Variants in DNAJC6 observed in about 807,000 individuals in gnomAD.
The protein encoded by DNAJC6 is DnaJ heat shock protein family (Hsp40) member C6.
A neutral mutation model predicts 110.0 loss-of-function variants in DNAJC6; 34 were observed. That is an observed-to-expected ratio of 0.31 (90% confidence interval 0.24 to 0.41). The LOEUF (loss-of-function observed/expected upper bound fraction) is 0.41. Ranked by LOEUF, DNAJC6 falls within the 10% of genes least tolerant of loss-of-function variation. The probability of loss-of-function intolerance (pLI) is 1.00; values close to 1 mark genes in which losing one functional copy is unlikely to be tolerated. For missense variants in DNAJC6, 1,031 were observed against 1,207.8 expected (o/e 0.85, Z 2.17); for synonymous variants, 406 against 437.2 (o/e 0.93, Z 0.89).
Position 65,411,976 on chromosome 1 carries a change from A to T in DNAJC6, c.2811+550A>T, listed in dbSNP as rs530273247. On this transcript the variant is annotated intron_variant, in intron 18 of 18. Coordinates refer to ENST00000371069, the MANE Select transcript of DNAJC6 (RefSeq NM_001256864.2). ...ACAGAGTGAGACCCTGTCTCCAAAA[A>T]AAGAAAAGAAAAAGTAAATTGTGTC... Among the ~76,000 whole-genome samples, 64 of 152,306 alleles carry T rather than the reference A, an allele frequency of 4.2e-4. No homozygotes were observed. The South Asian group carries it at 9.3e-3, about 22-fold the overall frequency.
intron 4 of DNAJC6, among the ~76,000 whole-genome samples, chr1:65,375,579 C>A (rs954145244): frequency 6.6e-6 from 1 of 152,124 alleles, no homozygotes; most frequent in African/African-American, 2.4e-5. Context: ...GCACCTGCCA[C>A]CACGCCCGGC....
intron 1 of DNAJC6, among the ~76,000 whole-genome samples, chr1:65,358,323 A>C (rs1020619336): frequency 2.0e-5 from 3 of 152,174 alleles, no homozygotes; most frequent in Non-Finnish European, 4.4e-5. Context: ...TTGAAAATGT[A>C]GTGGATAAAA....
At chr1:65,368,730 T>TCTTCTC (rs1645676152) in intron 4 of DNAJC6, among the ~76,000 whole-genome samples, 1 of 41,202 alleles carries the variant, frequency 2.4e-5, no homozygotes, top group Admixed American at 3.4e-4. Flanking sequence ...TTCTTCTTCT[T>TCTTCTC]CTTCTTCCCC....
chr1:65,285,931 A>G (rs1654003593), intron 1 of DNAJC6, among the ~76,000 whole-genome samples: 1 of 152,172 alleles, frequency 6.6e-6, no homozygotes, highest in Admixed American at 6.5e-5. Context: ...TCGGCCTTCC[A>G]AAGTGCTGGG....
At chr1:65,321,798 ACATGAG>A (rs1645200061) in intron 1 of DNAJC6, among the ~76,000 whole-genome samples, 2 of 152,152 alleles carry the variant, frequency 1.3e-5, no homozygotes, top group Admixed American at 6.5e-5. Context: ...CCATATTGGG[ACATGAG>A]AGAGATTTTC....
chr1:65,404,762 T>G (rs1047985312), intron 15 of DNAJC6, among the ~76,000 whole-genome samples: 9 of 152,190 alleles, frequency 5.9e-5, no homozygotes, highest in Non-Finnish European at 1.0e-4. Context: ...AATTAAGGAT[T>G]ACTGAGTGCA....
chr1:65,377,167 G>C (rs554919767), intron 4 of DNAJC6, among the ~76,000 whole-genome samples: 1 of 152,292 alleles, frequency 6.6e-6, no homozygotes, highest in South Asian at 2.1e-4. Context: ...TGCAGCAGTT[G>C]GGTAAAATAT....
At chr1:65,279,403 C>T (rs1359576412) in intron 1 of DNAJC6, 1 of 152,962 alleles carries the variant, frequency 6.5e-6, no homozygotes, top group African/African-American at 2.4e-5. Flanking sequence ...TCCTCCCCCT[C>T]TTGCCCTGTG....
intron 1 of DNAJC6, among the ~76,000 whole-genome samples, chr1:65,361,091 C>T (rs147322947): frequency 6.2e-4 from 95 of 152,202 alleles, no homozygotes; most frequent in African/African-American, 2.3e-3. Flanking sequence ...AATTGCTGAC[C>T]CTTCCACTCG....
chr1:65,309,812 G>A lies in DNAJC6; in HGVS notation c.67G>A (p.Asp23Asn). Reference protein sequence around the residue: ...NDGYESLQLVDSNGDLSAGSG... With the variant: ...NDGYESLQLVNSNGDLSAGSG... The stretch of plus-strand genomic sequence containing the variant: ...TGGTTATGAATCTTTGCAGCTGGTG[G>A]ACAGTAACGGGGACTTAAGTGCGGG... Residue 23 changes from aspartate to asparagine, a missense_variant, in exon 1 of 19, where the codon GAC becomes AAC. Physicochemically the swap from Asp to Asn is conservative, Grantham distance 23. Transcript: ENST00000371069. 1.3e-6 allele frequency: 2 copies of A among 1,549,750 alleles called. No individual in the cohort carries two copies. The highest frequency in any genetic ancestry group is 8.7e-7 in the Non-Finnish European group (1 of 1,146,572).
chr1:65,343,441 G>A lies in DNAJC6; in HGVS notation c.194-21194G>A, dbSNP rs145118038. On this transcript the variant is annotated intron_variant, in intron 1 of 18. Coordinates refer to ENST00000371069, the MANE Select transcript of DNAJC6 (RefSeq NM_001256864.2). Reference sequence around the variant, plus strand: ...GAAAATTCCAGAAATAATCCATTACGTTTTAAATTGTGTGCCATTCTGAGT... The same window carrying A: ...GAAAATTCCAGAAATAATCCATTACATTTTAAATTGTGTGCCATTCTGAGT... Among the ~76,000 whole-genome samples the A allele has an allele frequency of 2.7e-4, 41 of 152,212 alleles. No homozygotes were observed. The East Asian group carries it at 6.0e-3, about 22-fold the overall frequency.
At chr1:65,341,350 C>G (rs1327322868) in intron 1 of DNAJC6, among the ~76,000 whole-genome samples, 2 of 152,154 alleles carry the variant, frequency 1.3e-5, no homozygotes, top group Non-Finnish European at 2.9e-5. Context: ...TGATGGAAAG[C>G]CACCTGCTTG....
chr1:65,276,461 A>G (rs1653674896), intron 1 of DNAJC6, among the ~76,000 whole-genome samples: 1 of 152,178 alleles, frequency 6.6e-6, no homozygotes, highest in South Asian at 2.1e-4. Flanking sequence ...AACAGAGATC[A>G]CTTCAATCAG....
intron 1 of DNAJC6, among the ~76,000 whole-genome samples, chr1:65,320,449 C>T (rs886158684): frequency 6.6e-6 from 1 of 152,102 alleles, no homozygotes; most frequent in Non-Finnish European, 1.5e-5. Flanking sequence ...TCAGGAACTC[C>T]AAATCTAAGC....
Position 65,395,320 on chromosome 1 carries a change from CAT to C in DNAJC6, c.2038+291_2038+292del, listed in dbSNP as rs1234825924. ...TCATAAATGACCCTTGATTGTAGGA[CAT>C]ATGATTATTTTATGTACCAATAAGA... is the stretch of plus-strand genomic sequence containing the variant. On this transcript the variant is annotated intron_variant, in intron 13 of 18. Coordinates refer to ENST00000371069, the MANE Select transcript of DNAJC6 (RefSeq NM_001256864.2). Among the ~76,000 whole-genome samples the C allele has an allele frequency of 3.4e-4, 51 of 152,026 alleles. 1 individual carries two copies. The highest frequency in any genetic ancestry group is 5.9e-5 in the Non-Finnish European group (4 of 68,002).
chr1:65,314,192 A>C (rs937495209), intron 1 of DNAJC6, among the ~76,000 whole-genome samples: 1 of 151,532 alleles, frequency 6.6e-6, no homozygotes, highest in African/African-American at 2.4e-5. Context: ...AAATAAACAA[A>C]ATATTGTATA....
intron 1 of DNAJC6, among the ~76,000 whole-genome samples, chr1:65,318,306 TG>T (rs1645165812): frequency 6.7e-6 from 1 of 148,422 alleles, no homozygotes; most frequent in Non-Finnish European, 1.5e-5. Context: ...TTAAAATATA[TG>T]TTTTTTTTTC....
intron 2 of DNAJC6, 137 bp downstream of exon 2, chr1:65,364,922 T>G (rs1645631928): frequency 8.0e-7 from 1 of 1,256,546 alleles, no homozygotes; most frequent in Admixed American, 2.2e-5. Flanking sequence ...CTGAGAAATG[T>G]CATTGAAGAC....
At chr1:65,403,014 G>C (rs1035627381) in intron 15 of DNAJC6, among the ~76,000 whole-genome samples, 6 of 151,944 alleles carry the variant, frequency 3.9e-5, no homozygotes, top group African/African-American at 1.5e-4. Flanking sequence ...TAGGTGCTAG[G>C]ACTGTTTTAG....
Sources: gnomAD v4.1 joint callset for allele counts (sites outside exome capture counted in the v4.1 genomes callset) on GRCh38, gnomAD v4.1.1 for gene constraint, MANE v1.5 for transcripts, NCBI Gene and HGNC (gene_info 2026-07-23, HGNC 2026-07-21) for gene names.